Variants in PLCD4 observed in about 807,000 individuals in gnomAD.
PLCD4 encodes phospholipase C delta 4, also known as 1-phosphatidylinositol 4,5-bisphosphate phosphodiesterase delta-4.
In PLCD4, 63 loss-of-function variants were observed where a neutral mutation model predicts 90.2. The observed-to-expected ratio is 0.70, with a 90% CI of 0.57 to 0.86. The LOEUF is 0.86. PLCD4 is among the 40% of genes least tolerant of loss of function. PLCD4 has a pLI of 0.00. For missense variants in PLCD4, 830 were observed against 956.3 expected (o/e 0.87, Z 1.74); for synonymous variants, 294 against 356.5 (o/e 0.82, Z 1.97).
Position 218,616,068 on chromosome 2 carries a change from T to C in PLCD4, c.181+6T>C. The C allele has an allele frequency of 6.2e-7, 1 of 1,612,700 alleles. No individual in the cohort carries two copies. Among genetic ancestry groups the C allele is most frequent in the Non-Finnish European group, 8.5e-7 (1 of 1,179,308 alleles). ...GGGCAGTGCCAAGCCCAGCTGTGAG[T>C]GACCTGGATAGTGGGGGGTGGATAC... On this transcript the variant is annotated splice_donor_region_variant and intron_variant, in intron 3 of 15. Transcript: ENST00000450993.
At position 218,637,169 on chromosome 2, in the gene PLCD4, T is replaced by C; in HGVS notation, c.*592T>C. 1 of 247,798 alleles carries C rather than the reference T, an allele frequency of 4.0e-6. No individual in the cohort carries two copies. The highest frequency in any genetic ancestry group is 1.1e-4 in the East Asian group (1 of 9,232). The allele number at this position is 247,798 out of a possible 1,614,324, so 15.3% of individuals were successfully genotyped here. A position where few individuals can be genotyped will look rare whatever the true frequency, so the allele number is the denominator to read the frequency against. Reference sequence around the variant, plus strand: ...AGCCCCACTGGTATAAATACATCTCTCTCCAATTTGGCTTCAATATGGTCT... The same window carrying C: ...AGCCCCACTGGTATAAATACATCTCCCTCCAATTTGGCTTCAATATGGTCT... On this transcript the variant is annotated 3_prime_UTR_variant, in exon 16 of 16. Coordinates refer to ENST00000450993, the MANE Select transcript of PLCD4 (RefSeq NM_032726.4).
In PLCD4 at chr2:218,634,392, C is replaced by A; in HGVS notation, c.1724-66C>A. ...GCACCCAGTACCTATCTTCTTAACT[C>A]CCTGAAAGAGGGGCTGGAAGGCCTC... is the stretch of plus-strand genomic sequence containing the variant. On this transcript the variant is annotated intron_variant, in intron 12 of 15. Transcript: ENST00000450993. The surrounding 1 kb of genome is among the most constrained non-coding windows in gnomAD (Gnocchi z 4.0). 1 of 1,578,890 alleles carries A rather than the reference C, an allele frequency of 6.3e-7. No individual in the cohort carries two copies. Among genetic ancestry groups the A allele is most frequent in the South Asian group, 1.2e-5 (1 of 85,028 alleles).
rs1266301538 is a variant in PLCD4 at position 218,616,930 on chromosome 2, A to AT, written c.181+868_181+869insT. ...TATATATATATATATATATATATAG[A>AT]GAGAGAGAGAGAGAGAGAGAGAGAG... is the stretch of plus-strand genomic sequence containing the variant. On this transcript the variant is annotated intron_variant, in intron 3 of 15. Transcript: ENST00000450993. 5.3e-4 allele frequency among the ~76,000 whole-genome samples: 6 copies of AT among 11,320 alleles called. 1 individual carries two copies. Among genetic ancestry groups the AT allele is most frequent in the South Asian group, 4.6e-3 (1 of 216 alleles). The allele number at this position is 11,320 out of a possible 152,430, so 7.4% of individuals were successfully genotyped here. A position where few individuals can be genotyped will look rare whatever the true frequency, so the allele number is the denominator to read the frequency against.
At chr2:218,613,856 G>C (rs1411215629) in intron 1 of PLCD4, among the ~76,000 whole-genome samples, 2 of 152,126 alleles carry the variant, frequency 1.3e-5, no homozygotes, top group East Asian at 3.9e-4. Flanking sequence ...ATGAGCCACT[G>C]TGCCCAGCCA....
intron 1 of PLCD4, among the ~76,000 whole-genome samples, chr2:218,610,133 T>TA (rs1473614475): frequency 3.3e-5 from 5 of 151,428 alleles, no homozygotes; most frequent in South Asian, 2.1e-4. Context: ...AATAATAATT[T>TA]AAAAAAAATT....
At chr2:218,627,919 C>A in intron 6 of PLCD4, 110 bp from the exon 7 acceptor site, 1 of 976,572 alleles carries the variant, frequency 1.0e-6, no homozygotes, top group South Asian at 1.6e-5. Flanking sequence ...GAATGGGTGC[C>A]ATCTGAAAGG....
At chr2:218,611,371 G>A (rs1052267434) in intron 1 of PLCD4, among the ~76,000 whole-genome samples, 3 of 152,150 alleles carry the variant, frequency 2.0e-5, no homozygotes, top group African/African-American at 4.8e-5. Context: ...ACTTGGGCTC[G>A]GTTCTCAGGC....
At chr2:218,608,467 A>T (rs1486600673) in intron 1 of PLCD4, among the ~76,000 whole-genome samples, 1 of 152,216 alleles carries the variant, frequency 6.6e-6, no homozygotes. Context: ...GGAATCAGAG[A>T]TCCCTGGTAA....
In PLCD4 at chr2:218,632,226, G is replaced by C. The variant is rs766271181; in HGVS notation, c.1363G>C (p.Glu455Gln). 2 of 1,611,560 alleles carry C rather than the reference G, an allele frequency of 1.2e-6. No homozygotes were observed. Among genetic ancestry groups the C allele is most frequent in the Admixed American group, 3.4e-5 (2 of 59,664 alleles). Residue 455 changes from glutamate to glutamine, a missense_variant, in exon 10 of 16, where the codon GAA becomes CAA. Physicochemically the swap from Glu to Gln is conservative, Grantham distance 29. Coordinates refer to ENST00000450993, the MANE Select transcript of PLCD4 (RefSeq NM_032726.4). ...GGAAGAGGAAGCAGAACCTGAGTTG[G>C]AAGAGTCAGAATTGGCGCTGGAGTC... ...YEEEEAEPELEESELALESQF... is the reference protein window; with the variant it reads ...YEEEEAEPELQESELALESQF...
intron 14 of PLCD4, 148 bp from the exon 15 acceptor site, chr2:218,636,095 C>A: frequency 7.3e-7 from 1 of 1,370,716 alleles, no homozygotes; most frequent in South Asian, 1.3e-5. Context: ...GCTCCAGTGA[C>A]CTGGGCAAAT....
chr2:218,636,482 A>G lies in PLCD4; in HGVS notation c.2194A>G (p.Ile732Val). 1.2e-6 allele frequency: 2 copies of G among 1,613,972 alleles called. No homozygotes were observed. The highest frequency in any genetic ancestry group is 1.7e-6 in the Non-Finnish European group (2 of 1,179,894). ...CCTGCCCCTTCCAGGTTACCGCCACATTCACCTGCTGTCCAAAGATGGCAT... is the reference window on the plus strand; with the variant it reads ...CCTGCCCCTTCCAGGTTACCGCCACGTTCACCTGCTGTCCAAAGATGGCAT... ...WTCMQQGYRH[I>V]HLLSKDGISL... is the part of the protein sequence containing the mutation. The change falls in exon 16 of 16, where the codon ATT becomes GTT. Residue 732 changes from isoleucine to valine, a missense_variant. By Grantham distance (29) the Ile-to-Val change is conservative. Coordinates refer to ENST00000450993, the MANE Select transcript of PLCD4 (RefSeq NM_032726.4).
chr2:218,630,979 C>A (rs550894103), intron 9 of PLCD4, among the ~76,000 whole-genome samples, 177 bp downstream of exon 9: 4 of 152,296 alleles, frequency 2.6e-5, no homozygotes, highest in African/African-American at 9.6e-5. Flanking sequence ...TCTAACTGAA[C>A]ACAGAATTCT....
In PLCD4 at chr2:218,636,386, C is replaced by T. The variant is rs535577393; in HGVS notation, c.2176C>T (p.Gln726Ter). ...GQYTLPWTCM[Q>*]QGYRHIHLLS... ...GTACACCCTGCCTTGGACCTGCATG[C>T]AACAAGGTGAGCCAGCCCCTTTGGC... Residue 726 changes from glutamine (Q) to a stop codon, truncating the protein, a stop_gained, in exon 15 of 16, where the codon CAA (glutamine) becomes TAA (stop). Transcript: ENST00000450993. LOFTEE classifies it high-confidence loss of function. The T allele has an allele frequency of 6.2e-7, 1 of 1,614,010 alleles. No homozygotes were observed. The highest frequency in any genetic ancestry group is 1.1e-5 in the South Asian group (1 of 91,084).
At position 218,637,068 on chromosome 2, in the gene PLCD4, A is replaced by C. The variant is rs1273484902; in HGVS notation, c.*491A>C. 5.2e-6 allele frequency: 2 copies of C among 381,578 alleles called. No homozygotes were observed. The highest frequency in any genetic ancestry group is 1.0e-5 in the Non-Finnish European group (2 of 195,412). 23.6% of individuals were successfully genotyped at this position (381,578 alleles called of 1,614,324 possible). A position where few individuals can be genotyped will look rare whatever the true frequency, so the allele number is the denominator to read the frequency against. On this transcript the variant is annotated 3_prime_UTR_variant, in exon 16 of 16. Coordinates refer to ENST00000450993, the MANE Select transcript of PLCD4 (RefSeq NM_032726.4). ...AGCAAAGATTAGGGAAAGAGACTTG[A>C]CCCCAGGACTGTACTACGACTCTTA...
Position 218,632,157 on chromosome 2 carries a change from G to A in PLCD4, c.1294G>A (p.Val432Met), listed in dbSNP as rs1696409873. The A allele has an allele frequency of 1.2e-6, 2 of 1,609,230 alleles. No homozygotes were observed. The highest frequency in any genetic ancestry group is 2.2e-5 in the East Asian group (1 of 44,820). Residue 432 changes from valine (V) to methionine (M), a missense_variant, in exon 10 of 16, where the codon GTG becomes ATG. By Grantham distance (21) the Val-to-Met change is conservative (BLOSUM62 1). Coordinates refer to ENST00000450993, the MANE Select transcript of PLCD4 (RefSeq NM_032726.4). ...SPEELRRKIL[V>M]KGKKLTLEED... ...CTAGGAGCTTCGGAGGAAGATCCTGGTGAAGGGGAAGAAGTTAACACTTGA... is the reference window on the plus strand; with the variant it reads ...CTAGGAGCTTCGGAGGAAGATCCTGATGAAGGGGAAGAAGTTAACACTTGA...
chr2:218,633,508 G>A lies in PLCD4; in HGVS notation c.1450-97G>A, dbSNP rs1310221760. 4.3e-6 allele frequency: 6 copies of A among 1,382,126 alleles called. No homozygotes were observed. In the Admixed American group the frequency reaches 5.2e-5, roughly 12 times the overall value. 85.6% of individuals were successfully genotyped at this position (1,382,126 alleles called of 1,614,324 possible). A position where few individuals can be genotyped will look rare whatever the true frequency, so the allele number is the denominator to read the frequency against. On this transcript the variant is annotated intron_variant, in intron 10 of 15. Transcript: ENST00000450993. Reference sequence around the variant, plus strand: ...TGAGGCAGGAGGGAGAATACAGTGGGGAGGCAGTGGGCAGAGGTTTAGGTT... The same window carrying A: ...TGAGGCAGGAGGGAGAATACAGTGGAGAGGCAGTGGGCAGAGGTTTAGGTT...
At chr2:218,630,937 G>A in intron 9 of PLCD4, 135 bp downstream of exon 9, 2 of 918,520 alleles carry the variant, frequency 2.2e-6, no homozygotes, top group Non-Finnish European at 3.2e-6. Context: ...AATGTCCTTG[G>A]ATCCTTGGAG....
At chr2:218,628,455 C>G in intron 7 of PLCD4, 1 of 494,376 alleles carries the variant, frequency 2.0e-6, no homozygotes, top group Non-Finnish European at 3.6e-6. Flanking sequence ...TGAAACTCTC[C>G]TGGAACTCAG....
chr2:218,635,631 C>G (rs746630831), intron 13 of PLCD4, among the ~76,000 whole-genome samples, 165 bp from the exon 14 acceptor site: 1 of 152,172 alleles, frequency 6.6e-6, no homozygotes, highest in East Asian at 1.9e-4. Flanking sequence ...CCGTGCCCGG[C>G]CTTTGGGTGC....
Sources: gnomAD v4.1 joint callset for allele counts (sites outside exome capture counted in the v4.1 genomes callset) on GRCh38, gnomAD v4.1.1 for gene constraint, Gnocchi (gnomAD v3.1) non-coding constraint, MANE v1.5 for transcripts, NCBI Gene and HGNC (gene_info 2026-07-23, HGNC 2026-07-21) for gene names.